Variants in RNF180 observed in about 807,000 individuals in gnomAD.
RNF180 encodes the protein E3 ubiquitin-protein ligase RNF180.
In RNF180, 38 loss-of-function variants were observed where a neutral mutation model predicts 59.2. The ratio of observed to expected loss-of-function variants is 0.64; its 90% CI spans 0.50 to 0.84. The LOEUF is 0.84. Among genes scored for constraint, RNF180 ranks in the 40% least tolerant of loss-of-function variants. The probability of loss-of-function intolerance (pLI) is 0.00; values close to 1 mark genes in which losing one functional copy is unlikely to be tolerated. For missense variants in RNF180, 705 were observed against 700.9 expected, an observed-to-expected ratio of 1.01 and a Z score of -0.07; for synonymous variants, 262 against 240.3, an observed-to-expected ratio of 1.09 and a Z score of -0.84.
intron 5 of RNF180, among the ~76,000 whole-genome samples, chr5:64,258,709 T>C (rs1744138096): frequency 6.6e-6 from 1 of 152,194 alleles, no homozygotes; most frequent in Admixed American, 6.5e-5. Flanking sequence ...GTTTAGAGTT[T>C]AGAAGATAAC....
chr5:64,218,697 G>A (rs951987580), intron 5 of RNF180, among the ~76,000 whole-genome samples: 3 of 152,084 alleles, frequency 2.0e-5, no homozygotes, highest in Non-Finnish European at 4.4e-5. Context: ...CTCGTAATAC[G>A]TGAACATGGT....
At chr5:64,198,914 C>T (rs1454528455) in intron 1 of RNF180, among the ~76,000 whole-genome samples, 1 of 151,912 alleles carries the variant, frequency 6.6e-6, no homozygotes, top group Non-Finnish European at 1.5e-5. Flanking sequence ...CTCCCGAGTT[C>T]AAGCAATTCT....
At chr5:64,277,675 T>G (rs769532070) in intron 5 of RNF180, among the ~76,000 whole-genome samples, 2 of 152,196 alleles carry the variant, frequency 1.3e-5, no homozygotes, top group Non-Finnish European at 1.5e-5. Flanking sequence ...ATTTTGTGTC[T>G]TCATTCCTTC....
chr5:64,298,538 G>C (rs1743009125), intron 5 of RNF180, among the ~76,000 whole-genome samples: 1 of 151,984 alleles, frequency 6.6e-6, no homozygotes, highest in African/African-American at 2.4e-5. Flanking sequence ...TATTATTCCA[G>C]AAATAGAATA....
chr5:64,279,104 A>G (rs1741873024), intron 5 of RNF180, among the ~76,000 whole-genome samples: 1 of 152,216 alleles, frequency 6.6e-6, no homozygotes. Flanking sequence ...CCTATAACAT[A>G]CCAACATTTA....
chr5:64,368,289 A>G (rs1355778292), intron 7 of RNF180, among the ~76,000 whole-genome samples: 2 of 151,824 alleles, frequency 1.3e-5, no homozygotes, highest in African/African-American at 4.8e-5. Context: ...TTCTCAAAGT[A>G]TAAGATACAA....
intron 5 of RNF180, among the ~76,000 whole-genome samples, chr5:64,234,676 T>C (rs995155545): frequency 1.6e-5 from 2 of 125,214 alleles, no homozygotes; most frequent in African/African-American, 6.1e-5. Flanking sequence ...CTTGGCTCAC[T>C]GCAAGCTCCG....
intron 5 of RNF180, among the ~76,000 whole-genome samples, chr5:64,306,212 T>G (rs936222330): frequency 1.3e-5 from 2 of 151,744 alleles, no homozygotes; most frequent in Non-Finnish European, 3.0e-5. Context: ...TGTGAGATTG[T>G]TTATTCACAA....
At chr5:64,273,322 A>G (rs933538836) in intron 5 of RNF180, among the ~76,000 whole-genome samples, 7 of 152,128 alleles carry the variant, frequency 4.6e-5, no homozygotes, top group African/African-American at 1.2e-4. Context: ...AGAAATAACC[A>G]TAAAAATAGC....
At chr5:64,177,150 A>G (rs1457907523) in intron 1 of RNF180, among the ~76,000 whole-genome samples, 5 of 152,164 alleles carry the variant, frequency 3.3e-5, no homozygotes, top group Non-Finnish European at 7.3e-5. Flanking sequence ...CACGTGTCTG[A>G]CTTAGAACTA....
chr5:64,282,396 C>G (rs1241719063), intron 5 of RNF180, among the ~76,000 whole-genome samples: 1 of 152,098 alleles, frequency 6.6e-6, no homozygotes, highest in East Asian at 1.9e-4. Context: ...GTAATGTCCC[C>G]TTTGTTGATT....
chr5:64,293,254 G>A (rs978153796), intron 5 of RNF180, among the ~76,000 whole-genome samples: 3 of 152,118 alleles, frequency 2.0e-5, no homozygotes, highest in Non-Finnish European at 2.9e-5. Flanking sequence ...CTCCTGGGGG[G>A]GCTGTTGTCC....
chr5:64,175,230 G>C (rs1750170529), intron 1 of RNF180, among the ~76,000 whole-genome samples: 1 of 152,082 alleles, frequency 6.6e-6, no homozygotes, highest in South Asian at 2.1e-4. Flanking sequence ...GACTCCCAAA[G>C]AGCTGGGATT....
At chr5:64,357,010 T>C (rs1187489342) in intron 7 of RNF180, among the ~76,000 whole-genome samples, 1 of 151,884 alleles carries the variant, frequency 6.6e-6, no homozygotes. Context: ...ATAAAAACTA[T>C]TTTTTTAAAA....
chr5:64,340,127 C>CAT (rs928634374), intron 7 of RNF180, among the ~76,000 whole-genome samples: 3 of 152,210 alleles, frequency 2.0e-5, no homozygotes, highest in African/African-American at 7.2e-5. Context: ...AAAAACCATT[C>CAT]ATATATATAA....
intron 5 of RNF180, among the ~76,000 whole-genome samples, chr5:64,304,015 T>C (rs1356735545): frequency 6.6e-6 from 1 of 151,642 alleles, no homozygotes; most frequent in East Asian, 1.9e-4. Context: ...CCTTAAGAGT[T>C]ATGCTAAATC....
intron 2 of RNF180, among the ~76,000 whole-genome samples, chr5:64,210,390 A>G (rs186804947): frequency 1.6e-4 from 25 of 152,288 alleles, no homozygotes; most frequent in Admixed American, 1.5e-3. Flanking sequence ...AGAAATTGGC[A>G]TCCACAGATG....
chr5:64,201,680 T>C (rs1751755816), intron 2 of RNF180, among the ~76,000 whole-genome samples: 1 of 152,240 alleles, frequency 6.6e-6, no homozygotes, highest in African/African-American at 2.4e-5. Context: ...CCTTCCACTT[T>C]AACAAATTAG....
At chr5:64,277,013 A>G (rs1447474893) in intron 5 of RNF180, among the ~76,000 whole-genome samples, 1 of 151,826 alleles carries the variant, frequency 6.6e-6, no homozygotes, top group Non-Finnish European at 1.5e-5. Flanking sequence ...CTTGCTCAGC[A>G]TGTTCGCTGT....
Sources: gnomAD v4.1 joint callset for allele counts (sites outside exome capture counted in the v4.1 genomes callset) on GRCh38, gnomAD v4.1.1 for gene constraint, MANE v1.5 for transcripts, NCBI Gene and HGNC (gene_info 2026-07-23, HGNC 2026-07-21) for gene names.